ARHGEF1: variants seen among roughly 807,000 people sequenced by gnomAD.
ARHGEF1 encodes the protein Rho guanine nucleotide exchange factor 1.
A neutral mutation model predicts 119.7 loss-of-function variants in ARHGEF1; 40 were observed. That is an observed-to-expected ratio of 0.33 (90% CI 0.26 to 0.44). The LOEUF (loss-of-function observed/expected upper bound fraction) is 0.44, where lower values mean the gene tolerates loss of function less well. Ranked by LOEUF, ARHGEF1 falls within the 20% of genes least tolerant of loss-of-function variation. The pLI, the probability that ARHGEF1 is intolerant of heterozygous loss-of-function variation, is 1.00. For missense variants in ARHGEF1, 976 were observed against 1,268.3 expected (o/e 0.77, Z 3.50); for synonymous variants, 494 against 521.0 (o/e 0.95, Z 0.71).
Position 41,892,459 on chromosome 19 carries a change from T to C in ARHGEF1, c.367+86T>C. ...CAAGGGGAGGGAGGCCGCACTCCCA[T>C]GCTCTGCTCGGACAGCCGAGATTCA... is the stretch of plus-strand genomic sequence containing the variant. On this transcript the variant is annotated intron_variant, in intron 6 of 28. Coordinates refer to ENST00000354532, the MANE Select transcript of ARHGEF1 (RefSeq NM_004706.4). The surrounding 1 kb of genome is among the most constrained non-coding windows in gnomAD (Gnocchi z 6.3). 1 of 1,601,564 alleles carries C rather than the reference T, an allele frequency of 6.2e-7. No individual in the cohort carries two copies. Among genetic ancestry groups the C allele is most frequent in the Non-Finnish European group, 8.5e-7 (1 of 1,170,522 alleles).
At position 41,906,885 on chromosome 19, in the gene ARHGEF1, G is replaced by A. The variant is rs2074708374; in HGVS notation, c.*17+82G>A. 3 of 1,129,154 alleles carry A rather than the reference G, an allele frequency of 2.7e-6. No individual in the cohort carries two copies. The highest frequency in any genetic ancestry group is 3.1e-5 in the South Asian group (2 of 63,722). The allele number at this position is 1,129,154 out of a possible 1,614,324, so 69.9% of individuals were successfully genotyped here. A position where few individuals can be genotyped will look rare whatever the true frequency, so the allele number is the denominator to read the frequency against. On this transcript the variant is annotated intron_variant, in intron 28 of 28. Transcript: ENST00000354532. The surrounding 1 kb of genome is among the most constrained non-coding windows in gnomAD (Gnocchi z 4.5). ...AGCTCGCATCCCTACAGCCCCTTCT[G>A]TCCATCTCCCTCTTTGTCTTTTCTG...
rs1419067455 is a variant in ARHGEF1 at position 41,916,921 on chromosome 19, C to T, written c.1866-6171C>T. On this transcript the variant is annotated intron_variant, in intron 18 of 20. Coordinates refer to the ARHGEF1 transcript ENST00000599589. The surrounding 1 kb of genome is among the most constrained non-coding windows in gnomAD (Gnocchi z 5.4). ...GGTGGGCACTCAGAGATGACCCCAACCCAAGGCCCCTGCCACTCCTGCTCC... is the reference window on the plus strand; with the variant it reads ...GGTGGGCACTCAGAGATGACCCCAATCCAAGGCCCCTGCCACTCCTGCTCC... 1.3e-5 allele frequency among the ~76,000 whole-genome samples: 2 copies of T among 152,172 alleles called. No homozygotes were observed. The highest frequency in any genetic ancestry group is 4.8e-5 in the African/African-American group (2 of 41,424).
In ARHGEF1 at chr19:41,892,267, TCCTCCCGG is replaced by T; in HGVS notation, c.325-60_325-53del. The stretch of plus-strand genomic sequence containing the variant: ...TCGCTTAGACCAGGGTTCCTGGCAG[TCCTCCCGG>T]CCTGCATCTCAGCACACCAAGTCCT... On this transcript the variant is annotated intron_variant, in intron 5 of 28. Coordinates refer to ENST00000354532, the MANE Select transcript of ARHGEF1 (RefSeq NM_004706.4). This position sits in a 1 kb window ranked among gnomAD's most constrained non-coding sequence, Gnocchi z 6.3. 3.7e-6 allele frequency: 6 copies of T among 1,600,424 alleles called. No individual in the cohort carries two copies. The Admixed American group carries it at 8.3e-5, about 22-fold the overall frequency.
Position 41,888,365 on chromosome 19 carries a change from G to T in ARHGEF1, c.111+87G>T. On this transcript the variant is annotated intron_variant, in intron 3 of 28. Coordinates refer to ENST00000354532, the MANE Select transcript of ARHGEF1 (RefSeq NM_004706.4). The surrounding 1 kb of genome is among the most constrained non-coding windows in gnomAD (Gnocchi z 5.1). ...TCCCACCTGCAGATGCTGTCTTCTTGGCCTTTTCCCACGGTCTGTCTCATC... is the reference window on the plus strand; with the variant it reads ...TCCCACCTGCAGATGCTGTCTTCTTTGCCTTTTCCCACGGTCTGTCTCATC... 1 of 1,360,200 alleles carries T rather than the reference G, an allele frequency of 7.4e-7. No individual in the cohort carries two copies. Among genetic ancestry groups the T allele is most frequent in the Non-Finnish European group, 1.0e-6 (1 of 969,770 alleles). 84.3% of individuals were successfully genotyped at this position (1,360,200 alleles called of 1,614,324 possible). A position where few individuals can be genotyped will look rare whatever the true frequency, so the allele number is the denominator to read the frequency against.
Position 41,888,109 on chromosome 19 carries a change from G to A in ARHGEF1, c.24+3G>A. ...TGGAAGACTTCGCCCGAGGGGCGGTGAGTGGACAGAGCAAGGGGTGAGGCG... is the reference window on the plus strand; with the variant it reads ...TGGAAGACTTCGCCCGAGGGGCGGTAAGTGGACAGAGCAAGGGGTGAGGCG... On this transcript the variant is annotated splice_donor_region_variant and intron_variant, in intron 2 of 28. Transcript: ENST00000354532. The surrounding 1 kb of genome is among the most constrained non-coding windows in gnomAD (Gnocchi z 5.1). 1 of 1,613,928 alleles carries A rather than the reference G, an allele frequency of 6.2e-7. No homozygotes were observed. The highest frequency in any genetic ancestry group is 8.5e-7 in the Non-Finnish European group (1 of 1,179,986).
intron 18 of ARHGEF1, among the ~76,000 whole-genome samples, chr19:41,913,084 C>A (rs2074763540): frequency 6.6e-6 from 1 of 152,018 alleles, no homozygotes; most frequent in Non-Finnish European, 1.5e-5. Flanking sequence ...CCCACTCCCT[C>A]CCGCAGGCAC....
chr19:41,901,056 T>G (rs1406886435), intron 14 of ARHGEF1: 2 of 151,952 alleles, frequency 1.3e-5, no homozygotes, highest in African/African-American at 4.8e-5. Context: ...CCCAAATTGC[T>G]GGGATTACAG....
At chr19:41,899,815 G>C (rs2074570582) in intron 14 of ARHGEF1, among the ~76,000 whole-genome samples, 1 of 151,838 alleles carries the variant, frequency 6.6e-6, no homozygotes, top group South Asian at 2.1e-4. Flanking sequence ...GGACTTGACT[G>C]AAAGCTTATT....
At chr19:41,908,200 T>A, downstream of ARHGEF1, 1 of 1,231,254 alleles carries the variant, frequency 8.1e-7, no homozygotes, top group East Asian at 3.2e-5. The surrounding 1 kb of genome is among the most constrained non-coding windows in gnomAD (Gnocchi z 6.7). Flanking sequence ...GGTCCCTGCC[T>A]CAGCAGAATC....
rs2074671678 is a variant in ARHGEF1 at position 41,905,293 on chromosome 19, C to G, written c.2336+32C>G. The stretch of plus-strand genomic sequence containing the variant: ...GGGGCCATGGAGAGAGCTGGAGGTT[C>G]AGGGAGTGGGGCCGGAAGGCGGGGC... On this transcript the variant is annotated intron_variant, in intron 24 of 28. Coordinates refer to ENST00000354532, the MANE Select transcript of ARHGEF1 (RefSeq NM_004706.4). The surrounding 1 kb of genome is among the most constrained non-coding windows in gnomAD (Gnocchi z 6.4). 1.3e-6 allele frequency: 2 copies of G among 1,585,002 alleles called. No homozygotes were observed. Among genetic ancestry groups the G allele is most frequent in the Non-Finnish European group, 1.7e-6 (2 of 1,164,498 alleles).
chr19:41,903,273 G>A lies in ARHGEF1; in HGVS notation c.1739-34G>A, dbSNP rs367771665. 7.2e-5 allele frequency: 116 copies of A among 1,600,790 alleles called. No individual in the cohort carries two copies. The African/African-American group carries it at 1.2e-3, about 17-fold the overall frequency. On this transcript the variant is annotated intron_variant, in intron 18 of 28. Coordinates refer to ENST00000354532, the MANE Select transcript of ARHGEF1 (RefSeq NM_004706.4). The surrounding 1 kb of genome is among the most constrained non-coding windows in gnomAD (Gnocchi z 4.2). ...CCCAATCTGGAGCCTCCAGGGCAGG[G>A]GTTCACCAGAGCTGCTCTCTCCCTT...
upstream of ARHGEF1, among the ~76,000 whole-genome samples, chr19:41,918,857 A>C (rs2074820314): frequency 6.7e-6 from 1 of 148,842 alleles, no homozygotes; most frequent in Non-Finnish European, 1.5e-5. Context: ...CCCATCAGAC[A>C]CACCACACAC....
chr19:41,909,313 C>T, downstream of ARHGEF1: 1 of 1,234,926 alleles, frequency 8.1e-7, no homozygotes, highest in Non-Finnish European at 1.0e-6. The surrounding 1 kb of genome is among the most constrained non-coding windows in gnomAD (Gnocchi z 5.2). Context: ...CCCTGGGGCC[C>T]CCCCAAAGGG....
At position 41,918,071 on chromosome 19, in the gene ARHGEF1, G is replaced by T. The variant is rs572431157; in HGVS notation, c.1866-5021G>T. ...GGAGGGGGTTCAGGGGTGATGTGGGGTTTCCTGCATGGGCATGCCCCCCCA... is the reference window on the plus strand; with the variant it reads ...GGAGGGGGTTCAGGGGTGATGTGGGTTTTCCTGCATGGGCATGCCCCCCCA... On this transcript the variant is annotated intron_variant, in intron 18 of 20. Transcript: ENST00000599589. Among the ~76,000 whole-genome samples the T allele has an allele frequency of 2.6e-5, 4 of 151,914 alleles. No individual in the cohort carries two copies. In the East Asian group the frequency reaches 5.8e-4, roughly 22 times the overall value.
chr19:41,921,440 G>GT (rs2074841779), upstream of ARHGEF1, among the ~76,000 whole-genome samples: 1 of 152,154 alleles, frequency 6.6e-6, no homozygotes, highest in Non-Finnish European at 1.5e-5. The surrounding 1 kb of genome is among the most constrained non-coding windows in gnomAD (Gnocchi z 4.4). Flanking sequence ...ACAAGGACAG[G>GT]TCCCACAGAA....
chr19:41,924,871 TCTGAAGGTTTCTTC>T (rs2074862478), intron 1 of ARHGEF1, among the ~76,000 whole-genome samples: 1 of 152,062 alleles, frequency 6.6e-6, no homozygotes, highest in African/African-American at 2.4e-5. Context: ...GTGTGAGAGA[TCTGAAGGTTTCTTC>T]CTAAAGGTGT....
At chr19:41,894,744 AG>A in intron 11 of ARHGEF1, 83 bp downstream of exon 11, 1 of 1,277,652 alleles carries the variant, frequency 7.8e-7, no homozygotes, top group Admixed American at 2.0e-5. Context: ...CTGAGGGAGG[AG>A]GGGCTGGGAC....
At chr19:41,898,415 G>A (rs2074547346) in intron 13 of ARHGEF1, 27 bp from the exon 14 acceptor site, 1 of 1,548,652 alleles carries the variant, frequency 6.5e-7, no homozygotes, top group Admixed American at 2.0e-5. Context: ...GCCCAAGCTG[G>A]GGCCCTAACA....
chr19:41,902,233 C>G lies in ARHGEF1; in HGVS notation c.1415-41C>G, dbSNP rs781876914. On this transcript the variant is annotated intron_variant, in intron 15 of 28. Transcript: ENST00000354532. This position sits in a 1 kb window ranked among gnomAD's most constrained non-coding sequence, Gnocchi z 6.5. ...CGCAGCAGGCCCCGCACAGCATCTT[C>G]CAGACCCTGGTGGAGCATCCCTTTC... 2 of 1,611,672 alleles carry G rather than the reference C, an allele frequency of 1.2e-6. No homozygotes were observed. Among genetic ancestry groups the G allele is most frequent in the Admixed American group, 3.3e-5 (2 of 59,946 alleles).
Sources: gnomAD v4.1 joint callset for allele counts (sites outside exome capture counted in the v4.1 genomes callset) on GRCh38, gnomAD v4.1.1 for gene constraint, Gnocchi (gnomAD v3.1) non-coding constraint, MANE v1.5 for transcripts, NCBI Gene and HGNC (gene_info 2026-07-23, HGNC 2026-07-21) for gene names.